SERPINB6: variants seen among roughly 807,000 people sequenced by gnomAD.
SERPINB6 encodes serpin family B member 6.
SERPINB6 carries 16 observed loss-of-function variants against 26.1 expected under a neutral mutation model. The observed-to-expected ratio is 0.61, with a 90% CI of 0.42 to 0.93. SERPINB6 has a LOEUF of 0.93. Ranked by LOEUF, SERPINB6 falls within the 40% of genes least tolerant of loss-of-function variation. SERPINB6 has a pLI of 0.00. For missense variants in SERPINB6, 420 were observed against 478.0 expected, an observed-to-expected ratio of 0.88 and a Z score of 1.13; for synonymous variants, 174 against 176.6, an observed-to-expected ratio of 0.99 and a Z score of 0.11.
At chr6:2,962,281 A>G in intron 1 of SERPINB6, 6 of 916,072 alleles carry the variant, frequency 6.5e-6, no homozygotes, top group South Asian at 1.0e-4. Flanking sequence ...AATTTGAAAT[A>G]CTGAACTGGA....
chr6:2,954,874 G>A (rs1770245857), intron 3 of SERPINB6, 165 bp from the exon 4 acceptor site: 1 of 630,572 alleles, frequency 1.6e-6, no homozygotes, highest in South Asian at 1.8e-5. Context: ...CCTAGCTTTA[G>A]CTATATTTAA....
chr6:2,959,338 C>G lies in SERPINB6; in HGVS notation c.-6G>C. The G allele has an allele frequency of 6.2e-7, 1 of 1,613,904 alleles. No homozygotes were observed. The highest frequency in any genetic ancestry group is 8.5e-7 in the Non-Finnish European group (1 of 1,180,024). On this transcript the variant is annotated 5_prime_UTR_variant, in exon 2 of 7. Coordinates refer to ENST00000380539, the MANE Select transcript of SERPINB6 (RefSeq NM_004568.6). ...GCTTCTGCGAGAACATCCATGATGG[C>G]AGACCTGGAACAAGATTTAAAATCA...
chr6:2,959,426 G>T, intron 1 of SERPINB6, 84 bp from the exon 2 acceptor site: 1 of 1,413,016 alleles, frequency 7.1e-7, no homozygotes, highest in Non-Finnish European at 9.9e-7. Flanking sequence ...AGTCACCGCC[G>T]ATGCTGTGGT....
chr6:2,958,647 A>T (rs551756436), intron 2 of SERPINB6, among the ~76,000 whole-genome samples: 1 of 152,196 alleles, frequency 6.6e-6, no homozygotes, highest in Non-Finnish European at 1.5e-5. Flanking sequence ...GGACCCACCC[A>T]GTGCCAAGTG....
intron 1 of SERPINB6, chr6:2,968,653 T>C (rs1300051063): frequency 9.8e-6 from 12 of 1,225,224 alleles, no homozygotes; most frequent in African/African-American, 1.6e-5. Flanking sequence ...TTATGGTGGC[T>C]GGTGTTTGCT....
chr6:2,965,802 A>G (rs1771566833), intron 1 of SERPINB6, among the ~76,000 whole-genome samples: 1 of 152,216 alleles, frequency 6.6e-6, no homozygotes, highest in Non-Finnish European at 1.5e-5. Flanking sequence ...GGGAAAATTA[A>G]TCTTATGGGG....
chr6:2,969,867 T>C, intron 1 of SERPINB6: 2 of 931,024 alleles, frequency 2.1e-6, no homozygotes, highest in South Asian at 9.9e-5. Flanking sequence ...CTAGGCGCAG[T>C]GGCTCACATC....
chr6:2,951,335 G>A (rs1347838879), intron 5 of SERPINB6, among the ~76,000 whole-genome samples: 21 of 150,480 alleles, frequency 1.4e-4, no homozygotes, highest in African/African-American at 3.9e-4. Context: ...GCAGTGTTCC[G>A]AGATGGCACC....
At chr6:2,953,290 TAG>T in intron 4 of SERPINB6, 104 bp from the exon 5 acceptor site, 1 of 1,460,762 alleles carries the variant, frequency 6.8e-7, no homozygotes, top group Non-Finnish European at 9.5e-7. Flanking sequence ...AGTGCACGGA[TAG>T]AGAGTTCCAC....
chr6:2,961,517 C>G (rs536369618), intron 1 of SERPINB6, among the ~76,000 whole-genome samples: 30 of 152,192 alleles, frequency 2.0e-4, no homozygotes, highest in Middle Eastern at 3.4e-3. Context: ...CAAGAACTGC[C>G]CGCTTATCAA....
intron 4 of SERPINB6, among the ~76,000 whole-genome samples, chr6:2,953,779 C>A (rs188919714): frequency 1.3e-5 from 2 of 152,032 alleles, no homozygotes; most frequent in Admixed American, 1.3e-4. Flanking sequence ...TGCTGTAATC[C>A]CAGCACTTTG....
chr6:2,957,989 G>T (rs886197027), intron 2 of SERPINB6: 1 of 152,244 alleles, frequency 6.6e-6, no homozygotes, highest in Non-Finnish European at 1.5e-5. Context: ...TGACGGCCAC[G>T]TGCCTCCCAC....
chr6:2,948,740 G>A lies in SERPINB6; in HGVS notation c.730-41C>T. On this transcript the variant is annotated intron_variant, in intron 6 of 6. Coordinates refer to ENST00000380539, the MANE Select transcript of SERPINB6 (RefSeq NM_004568.6). This position sits in a 1 kb window ranked among gnomAD's most constrained non-coding sequence, Gnocchi z 5.0. ...TGAAGACTTTAAGACCCAGGGTGCT[G>A]CTGCCCAGCAGGGCCCTGTGCTATG... 6.2e-7 allele frequency: 1 copy of A among 1,600,996 alleles called. No homozygotes were observed. The highest frequency in any genetic ancestry group is 2.2e-5 in the East Asian group (1 of 44,812).
At chr6:2,955,369 G>A in intron 3 of SERPINB6, 155 bp downstream of exon 3, 1 of 839,344 alleles carries the variant, frequency 1.2e-6, no homozygotes, top group Non-Finnish European at 1.9e-6. Flanking sequence ...TTATTGAAAT[G>A]CAGAGAATTT....
intron 5 of SERPINB6, among the ~76,000 whole-genome samples, chr6:2,949,446 C>T (rs1389117035): frequency 6.6e-6 from 1 of 152,236 alleles, no homozygotes. Flanking sequence ...TGCGGCACTC[C>T]GTAGATCCTC....
intron 1 of SERPINB6, among the ~76,000 whole-genome samples, chr6:2,965,693 T>C (rs1398443423): frequency 6.6e-6 from 1 of 152,218 alleles, no homozygotes; most frequent in African/African-American, 2.4e-5. Context: ...CTAGCAAAAG[T>C]TATTCATTAA....
chr6:2,958,847 A>G (rs987174917), intron 2 of SERPINB6, among the ~76,000 whole-genome samples: 5 of 152,098 alleles, frequency 3.3e-5, no homozygotes, highest in African/African-American at 1.2e-4. Flanking sequence ...AGCAGATGAC[A>G]GTACCCAAAG....
At position 2,959,179 on chromosome 6, in the gene SERPINB6, G is replaced by A; in HGVS notation, c.154C>T (p.Gln52Ter). ...YMGAKGNTAA[Q>*]MAQILSFNKS... ...CCCTGAAGCTGTACCTGGGCCATCT[G>A]TGCAGCGGTGTTTCCCTTTGCCCCC... is the stretch of plus-strand genomic sequence containing the variant. Residue 52 changes from glutamine (Q) to a stop codon, truncating the protein, a stop_gained, in exon 2 of 7, where the codon CAG (glutamine) becomes TAG (stop). Coordinates refer to ENST00000380539, the MANE Select transcript of SERPINB6 (RefSeq NM_004568.6). LOFTEE classifies it high-confidence loss of function. 6.2e-7 allele frequency: 1 copy of A among 1,614,166 alleles called. No homozygotes were observed. The highest frequency in any genetic ancestry group is 8.5e-7 in the Non-Finnish European group (1 of 1,180,032).
At chr6:2,966,441 T>G in intron 1 of SERPINB6, 1 of 986,132 alleles carries the variant, frequency 1.0e-6, no homozygotes, top group African/African-American at 1.7e-5. Flanking sequence ...TGTGGTCTGT[T>G]AGGAACTGGG....
Sources: gnomAD v4.1 joint callset for allele counts (sites outside exome capture counted in the v4.1 genomes callset) on GRCh38, gnomAD v4.1.1 for gene constraint, Gnocchi (gnomAD v3.1) non-coding constraint, MANE v1.5 for transcripts, NCBI Gene and HGNC (gene_info 2026-07-23, HGNC 2026-07-21) for gene names.